Variants in PPM1L observed in about 807,000 individuals in gnomAD.
The protein encoded by PPM1L is protein phosphatase 1L.
In PPM1L, 13 loss-of-function variants were observed where a neutral mutation model predicts 31.4. That is an observed-to-expected ratio of 0.41 (90% CI 0.27 to 0.66). The LOEUF (loss-of-function observed/expected upper bound fraction) is 0.66, where lower values mean the gene tolerates loss of function less well. Among genes scored for constraint, PPM1L ranks in the 30% least tolerant of loss-of-function variants. PPM1L has a pLI of 0.29. For missense variants in PPM1L, 326 were observed against 453.7 expected (o/e 0.72, Z 2.56); for synonymous variants, 184 against 175.4 (o/e 1.05, Z -0.39).
intron 1 of PPM1L, among the ~76,000 whole-genome samples, chr3:160,875,671 A>T (rs1396538263): frequency 6.6e-6 from 1 of 152,244 alleles, no homozygotes; most frequent in Admixed American, 6.5e-5. Flanking sequence ...TTTAATCATT[A>T]TAACAATTGT....
intron 2 of PPM1L, among the ~76,000 whole-genome samples, chr3:161,040,867 C>A (rs1718886725): frequency 1.3e-5 from 2 of 152,184 alleles, no homozygotes; most frequent in South Asian, 4.1e-4. Context: ...TTATTTTATC[C>A]CCAAAACATG....
intron 1 of PPM1L, among the ~76,000 whole-genome samples, chr3:160,759,280 A>G (rs1318845464): frequency 6.6e-6 from 1 of 152,184 alleles, no homozygotes; most frequent in Non-Finnish European, 1.5e-5. Flanking sequence ...TTTTATTTCT[A>G]ATAACTCACA....
At chr3:161,014,567 C>CA (rs1351862193) in intron 2 of PPM1L, among the ~76,000 whole-genome samples, 1 of 151,354 alleles carries the variant, frequency 6.6e-6, no homozygotes, top group Non-Finnish European at 1.5e-5. Flanking sequence ...ATCCGCCTCC[C>CA]AGGTTCAAGC....
intron 1 of PPM1L, among the ~76,000 whole-genome samples, chr3:160,897,661 T>C (rs189372781): frequency 6.6e-6 from 1 of 152,232 alleles, no homozygotes; most frequent in African/African-American, 2.4e-5. Context: ...GATTAGGTGA[T>C]CTCAAAGATA....
intron 2 of PPM1L, among the ~76,000 whole-genome samples, chr3:160,988,933 G>A (rs1369537231): frequency 6.6e-6 from 1 of 152,100 alleles, no homozygotes; most frequent in Non-Finnish European, 1.5e-5. Flanking sequence ...TAACACCCTA[G>A]TAATCAGAAG....
chr3:161,011,741 T>C (rs1427790099), intron 2 of PPM1L, among the ~76,000 whole-genome samples: 1 of 152,234 alleles, frequency 6.6e-6, no homozygotes, highest in East Asian at 1.9e-4. Context: ...ACATCCCTTG[T>C]AAGTTGGATT....
At chr3:160,974,816 G>C (rs1484589189) in intron 2 of PPM1L, among the ~76,000 whole-genome samples, 1 of 140,818 alleles carries the variant, frequency 7.1e-6, no homozygotes, top group Admixed American at 7.1e-5. Flanking sequence ...CTCCCATTTT[G>C]TAGGTTGCCT....
chr3:160,794,511 G>A (rs1005061727), intron 1 of PPM1L, among the ~76,000 whole-genome samples: 9 of 152,178 alleles, frequency 5.9e-5, no homozygotes, highest in Non-Finnish European at 8.8e-5. Flanking sequence ...AGTTTGATTT[G>A]CATATTTTTA....
rs187221953 is a variant in PPM1L, at chr3:160,777,857, T to G, written c.399+21150T>G. 7.9e-4 allele frequency among the ~76,000 whole-genome samples: 121 copies of G among 152,352 alleles called. 2 individuals carry two copies. The highest frequency in any genetic ancestry group is 2.7e-3 in the African/African-American group (114 of 41,588). On this transcript the variant is annotated intron_variant, in intron 1 of 3. Coordinates refer to ENST00000498165, the MANE Select transcript of PPM1L (RefSeq NM_139245.4). The stretch of plus-strand genomic sequence containing the variant: ...CAAATATGTCTTTGAGATACTACTT[T>G]CAATTCTTTTGGATATATTTATACC...
chr3:161,003,879 G>C (rs1229432539), intron 2 of PPM1L, among the ~76,000 whole-genome samples: 3 of 150,624 alleles, frequency 2.0e-5, no homozygotes, highest in Admixed American at 1.3e-4. Context: ...ACACTATGTT[G>C]AATAGGAGTG....
intron 1 of PPM1L, among the ~76,000 whole-genome samples, chr3:160,808,513 T>C (rs891288213): frequency 1.3e-5 from 2 of 152,042 alleles, no homozygotes; most frequent in Non-Finnish European, 2.9e-5. Flanking sequence ...CCCTGGCCTA[T>C]AGCTGGGGGG....
At chr3:160,780,921 A>C (rs1436018870) in intron 1 of PPM1L, among the ~76,000 whole-genome samples, 3 of 152,206 alleles carry the variant, frequency 2.0e-5, no homozygotes, top group Non-Finnish European at 2.9e-5. Flanking sequence ...AGTGCCTGGC[A>C]TTGTGGTATT....
intron 2 of PPM1L, among the ~76,000 whole-genome samples, chr3:161,037,166 A>C (rs1718764328): frequency 1.3e-5 from 2 of 152,156 alleles, no homozygotes; most frequent in African/African-American, 4.8e-5. Flanking sequence ...ATTCCTTTGT[A>C]GTGAATGAAT....
At chr3:160,760,320 G>A (rs1166087580) in intron 1 of PPM1L, among the ~76,000 whole-genome samples, 4 of 152,222 alleles carry the variant, frequency 2.6e-5, no homozygotes, top group African/African-American at 9.7e-5. Flanking sequence ...GGGTTACCAT[G>A]AGTTAGTTCT....
intron 1 of PPM1L, among the ~76,000 whole-genome samples, chr3:160,843,766 T>C (rs983330519): frequency 6.6e-6 from 1 of 151,790 alleles, no homozygotes; most frequent in Non-Finnish European, 1.5e-5. Flanking sequence ...TTTGACCCAG[T>C]CATCCCATTA....
intron 2 of PPM1L, among the ~76,000 whole-genome samples, chr3:161,025,227 C>G (rs928022816): frequency 6.6e-6 from 1 of 151,966 alleles, no homozygotes; most frequent in Admixed American, 6.6e-5. Context: ...GGTGATTAGG[C>G]CATGAGAGCT....
At chr3:161,040,990 C>G (rs1241274686) in intron 2 of PPM1L, among the ~76,000 whole-genome samples, 1 of 152,274 alleles carries the variant, frequency 6.6e-6, no homozygotes, top group Middle Eastern at 3.4e-3. Flanking sequence ...CAGGCCTTTC[C>G]AATCCTAAAG....
chr3:161,033,984 A>C (rs1350764118), intron 2 of PPM1L, among the ~76,000 whole-genome samples: 2 of 152,200 alleles, frequency 1.3e-5, no homozygotes, highest in Admixed American at 6.5e-5. Context: ...AGGAACTTAA[A>C]CAAATTTACA....
At position 160,973,859 on chromosome 3, in the gene PPM1L, T is replaced by C. The variant is rs950997876; in HGVS notation, c.574+11949T>C. On this transcript the variant is annotated intron_variant, in intron 2 of 3. Coordinates refer to ENST00000498165, the MANE Select transcript of PPM1L (RefSeq NM_139245.4). Reference sequence around the variant, plus strand: ...TGATTCTATCTAGTTTTTCTTTTTTTTTCTAATTTATTTATGTATTTTTTA... The same window carrying C: ...TGATTCTATCTAGTTTTTCTTTTTTCTTCTAATTTATTTATGTATTTTTTA... Among the ~76,000 whole-genome samples, 338 of 150,772 alleles carry C rather than the reference T, an allele frequency of 2.2e-3. 2 individuals are homozygous for C. The highest frequency in any genetic ancestry group is 7.7e-3 in the African/African-American group (317 of 41,332).
Sources: gnomAD v4.1 joint callset for allele counts (sites outside exome capture counted in the v4.1 genomes callset) on GRCh38, gnomAD v4.1.1 for gene constraint, MANE v1.5 for transcripts, NCBI Gene and HGNC (gene_info 2026-07-23, HGNC 2026-07-21) for gene names.